KDM4B: variants seen among roughly 807,000 people sequenced by gnomAD.
KDM4B encodes the protein lysine-specific demethylase 4B.
Under a neutral mutation model 125.2 loss-of-function variants are expected in KDM4B, and 32 were observed. That is an observed-to-expected ratio of 0.26 (90% CI 0.19 to 0.34). The LOEUF is 0.34. Ranked by LOEUF, KDM4B falls within the 10% of genes least tolerant of loss-of-function variation. The pLI is 1.00. For synonymous variants in KDM4B, 721 were observed against 677.9 expected (o/e 1.06, Z -0.99); for missense variants, 1,190 against 1,577.7 (o/e 0.75, Z 4.16).
intron 18 of KDM4B, among the ~76,000 whole-genome samples, chr19:5,143,739 AG>A (rs2039786908): frequency 6.6e-6 from 1 of 152,108 alleles, no homozygotes; most frequent in South Asian, 2.1e-4. Context: ...GGGATGGGAG[AG>A]GACTCCCCAG....
intron 9 of KDM4B, among the ~76,000 whole-genome samples, chr19:5,084,414 ATAAT>A (rs996885121): frequency 7.1e-5 from 10 of 141,120 alleles, no homozygotes; most frequent in South Asian, 4.3e-4. Flanking sequence ...TATAAATTAC[ATAAT>A]TTATATATAT....
Position 5,152,905 on chromosome 19 carries a change from G to C in KDM4B, c.*1394G>C, listed in dbSNP as rs577215544. On this transcript the variant is annotated 3_prime_UTR_variant, in exon 23 of 23. Transcript: ENST00000159111. ...TACAAATTTTTTACAAATTAGCTAG[G>C]TGTGGTGGTGCGCACCTGTGGTCCC... 6.6e-6 allele frequency: 1 copy of C among 152,404 alleles called. No homozygotes were observed. Among genetic ancestry groups the C allele is most frequent in the African/African-American group, 2.4e-5 (1 of 41,574 alleles). The allele number at this position is 152,404 out of a possible 1,614,324, so 9.4% of individuals were successfully genotyped here.
chr19:5,138,745 C>T (rs1333908095), intron 18 of KDM4B, among the ~76,000 whole-genome samples: 1 of 152,116 alleles, frequency 6.6e-6, no homozygotes, highest in Non-Finnish European at 1.5e-5. Context: ...CACCACGGGC[C>T]CAGTGGTGGG....
In KDM4B at chr19:5,087,169, C is replaced by T. The variant is rs970266344; in HGVS notation, c.918+4665C>T. Among the ~76,000 whole-genome samples the T allele has an allele frequency of 7.2e-5, 11 of 152,230 alleles. No homozygotes were observed. In the East Asian group the frequency reaches 1.9e-3, roughly 27 times the overall value. Reference sequence around the variant, plus strand: ...CATTCACTCCCCATCAGCAGAATGCCGTGGGCACACGGAGGCCATTGTCAA... The same window carrying T: ...CATTCACTCCCCATCAGCAGAATGCTGTGGGCACACGGAGGCCATTGTCAA... On this transcript the variant is annotated intron_variant, in intron 9 of 22. Transcript: ENST00000159111.
At chr19:5,072,066 A>G (rs913549555) in intron 7 of KDM4B, among the ~76,000 whole-genome samples, 6 of 152,190 alleles carry the variant, frequency 3.9e-5, no homozygotes, top group Non-Finnish European at 7.4e-5. Context: ...AGCAAGCGAC[A>G]GCCACAGCTT....
chr19:5,083,934 C>T (rs2038385998), intron 9 of KDM4B, among the ~76,000 whole-genome samples: 1 of 152,180 alleles, frequency 6.6e-6, no homozygotes, highest in African/African-American at 2.4e-5. Flanking sequence ...GATTCTTTGA[C>T]TCTCGCAGCA....
At chr19:5,138,860 G>A (rs534416879) in intron 18 of KDM4B, among the ~76,000 whole-genome samples, 1 of 152,328 alleles carries the variant, frequency 6.6e-6, no homozygotes, top group Non-Finnish European at 1.5e-5. Context: ...CTCTGCTTCT[G>A]TGTGTTTGCC....
chr19:5,134,156 C>T (rs2039607977), intron 14 of KDM4B, 95 bp downstream of exon 14: 10 of 1,224,836 alleles, frequency 8.2e-6, no homozygotes, highest in East Asian at 2.4e-5. Context: ...CCCTCTCTCA[C>T]GCAGGGCAGG....
At chr19:5,119,587 A>C (rs2039322471) in intron 10 of KDM4B, 66 bp from the exon 11 acceptor site, 2 of 1,435,566 alleles carry the variant, frequency 1.4e-6, no homozygotes, top group Admixed American at 2.0e-5. Context: ...TGCCGGACAG[A>C]GTGCACAGAC....
At chr19:5,110,542 C>T in intron 9 of KDM4B, 80 bp from the exon 10 acceptor site, 2 of 1,450,306 alleles carry the variant, frequency 1.4e-6, no homozygotes, top group East Asian at 4.6e-5. Context: ...GGCCGTGAGC[C>T]CTACCTGCTC....
intron 1 of KDM4B, among the ~76,000 whole-genome samples, chr19:4,983,480 A>G (rs911507001): frequency 5.9e-5 from 9 of 152,158 alleles, no homozygotes; most frequent in Non-Finnish European, 1.3e-4. Context: ...GTCCTGGCCT[A>G]TCTTCCCAGT....
intron 18 of KDM4B, among the ~76,000 whole-genome samples, chr19:5,139,232 C>T (rs918348219): frequency 2.6e-5 from 4 of 152,136 alleles, no homozygotes; most frequent in East Asian, 3.9e-4. Flanking sequence ...GGCATAGTTT[C>T]CTCAAGGTTC....
At chr19:5,066,754 C>T (rs572350003) in intron 6 of KDM4B, among the ~76,000 whole-genome samples, 30 of 152,198 alleles carry the variant, frequency 2.0e-4, no homozygotes, top group Non-Finnish European at 2.6e-4. Flanking sequence ...CTCCAGATCC[C>T]GGGCTGGAGA....
chr19:4,990,426 T>C (rs1447508328), intron 1 of KDM4B, among the ~76,000 whole-genome samples: 1 of 152,224 alleles, frequency 6.6e-6, no homozygotes, highest in East Asian at 1.9e-4. Context: ...GTTTCTGTAC[T>C]GGAATGAGGG....
chr19:5,106,564 C>T (rs1387451881), intron 9 of KDM4B, among the ~76,000 whole-genome samples: 4 of 152,198 alleles, frequency 2.6e-5, no homozygotes, highest in African/African-American at 9.6e-5. Flanking sequence ...CACCCGGCAG[C>T]CACCCCTCCC....
At position 5,081,987 on chromosome 19, in the gene KDM4B, A is replaced by C. The variant is rs72620529; in HGVS notation, c.781-380A>C. On this transcript the variant is annotated intron_variant, in intron 8 of 22. Coordinates refer to ENST00000159111, the MANE Select transcript of KDM4B (RefSeq NM_015015.3). The surrounding 1 kb of genome is among the most constrained non-coding windows in gnomAD (Gnocchi z 4.2). ...GCCACCTCCAAAGCAGGAGGCCCCC[A>C]TCGCTCCCCATGAAGGTCCGGCTGG... Among the ~76,000 whole-genome samples, 31,375 of 152,010 alleles carry C rather than the reference A, an allele frequency of 0.21. 4,340 individuals carry two copies. Among genetic ancestry groups the C allele is most frequent in the East Asian group, 0.65 (3,343 of 5,142 alleles).
chr19:4,987,837 G>T (rs897458865), intron 1 of KDM4B, among the ~76,000 whole-genome samples: 1 of 152,198 alleles, frequency 6.6e-6, no homozygotes, highest in African/African-American at 2.4e-5. Flanking sequence ...CAGGAGAAGG[G>T]GGTCTGGGCT....
At chr19:5,048,315 C>T (rs963461456) in intron 6 of KDM4B, among the ~76,000 whole-genome samples, 13 of 152,200 alleles carry the variant, frequency 8.5e-5, no homozygotes, top group Admixed American at 7.2e-4. Context: ...CGTGTGCGCG[C>T]GCATGTGAGT....
intron 1 of KDM4B, among the ~76,000 whole-genome samples, chr19:5,001,907 A>G (rs925498816): frequency 6.6e-6 from 1 of 151,074 alleles, no homozygotes; most frequent in Admixed American, 6.6e-5. Context: ...GCTTTTTTCT[A>G]TTGGATATTT....
Sources: gnomAD v4.1 joint callset for allele counts (sites outside exome capture counted in the v4.1 genomes callset) on GRCh38, gnomAD v4.1.1 for gene constraint, Gnocchi (gnomAD v3.1) non-coding constraint, MANE v1.5 for transcripts, NCBI Gene and HGNC (gene_info 2026-07-23, HGNC 2026-07-21) for gene names.